PKNOX2: variants seen among roughly 807,000 people sequenced by gnomAD.
The protein encoded by PKNOX2 is PBX/knotted 1 homeobox 2.
A neutral mutation model predicts 53.1 loss-of-function variants in PKNOX2; 14 were observed. The ratio of observed to expected loss-of-function variants is 0.26; its 90% CI spans 0.17 to 0.41. PKNOX2 has a LOEUF of 0.41. PKNOX2 is among the 10% of genes least tolerant of loss of function. PKNOX2 has a pLI of 1.00. For synonymous variants in PKNOX2, 257 were observed against 242.8 expected, an observed-to-expected ratio of 1.06 and a Z score of -0.54; for missense variants, 496 against 602.8, an observed-to-expected ratio of 0.82 and a Z score of 1.85.
chr11:125,172,200 A>G (rs1338967579), intron 1 of PKNOX2, among the ~76,000 whole-genome samples: 1 of 152,188 alleles, frequency 6.6e-6, no homozygotes, highest in African/African-American at 2.4e-5. Context: ...CCAGGTGGCC[A>G]GAAGTGGGCT....
At chr11:125,342,101 T>G (rs898487039) in intron 3 of PKNOX2, among the ~76,000 whole-genome samples, 1 of 151,818 alleles carries the variant, frequency 6.6e-6, no homozygotes, top group African/African-American at 2.4e-5. Flanking sequence ...TCTCAGGAAC[T>G]AGTGGCTTTT....
At chr11:125,305,597 C>T (rs941643420) in intron 2 of PKNOX2, among the ~76,000 whole-genome samples, 4 of 152,180 alleles carry the variant, frequency 2.6e-5, no homozygotes, top group African/African-American at 9.7e-5. Context: ...GCACCCACTC[C>T]AGCTCACATT....
chr11:125,291,169 C>T (rs1033319318), intron 2 of PKNOX2, among the ~76,000 whole-genome samples: 1 of 152,168 alleles, frequency 6.6e-6, no homozygotes, highest in Non-Finnish European at 1.5e-5. Context: ...CAATTGTCAT[C>T]GCTCTCTGGG....
intron 1 of PKNOX2, among the ~76,000 whole-genome samples, chr11:125,214,526 C>T (rs1940250670): frequency 6.6e-6 from 1 of 152,014 alleles, no homozygotes; most frequent in East Asian, 1.9e-4. Context: ...AGGAAAGGCT[C>T]CTCCACCTAA....
At chr11:125,386,078 G>C (rs566906238) in intron 6 of PKNOX2, among the ~76,000 whole-genome samples, 1 of 152,312 alleles carries the variant, frequency 6.6e-6, no homozygotes, top group Admixed American at 6.5e-5. Flanking sequence ...TAGCAAATCT[G>C]TCTTGGGCTG....
chr11:125,302,801 T>C (rs1948166498), intron 2 of PKNOX2, among the ~76,000 whole-genome samples: 1 of 152,168 alleles, frequency 6.6e-6, no homozygotes, highest in Non-Finnish European at 1.5e-5. Flanking sequence ...CCATGCCCTC[T>C]CCACGTCTTT....
intron 2 of PKNOX2, among the ~76,000 whole-genome samples, chr11:125,248,835 A>T (rs923684729): frequency 4.1e-5 from 6 of 147,142 alleles, no homozygotes; most frequent in African/African-American, 1.5e-4. Flanking sequence ...CCCTCAAGTG[A>T]TCCTCCATCC....
rs3028442 is a variant in PKNOX2 at position 125,411,462 on chromosome 11, TTCTCTCTCTCTC to T, written c.817-247_817-236del. On this transcript the variant is annotated intron_variant, in intron 9 of 12. Coordinates refer to ENST00000298282, the MANE Select transcript of PKNOX2 (RefSeq NM_001382323.2). ...CTGCATGGCCCTGTTTCCTCTGTCT[TTCTCTCTCTCTC>T]TCTCTCTCTCTCTCTCTCTCTCTCT... The T allele has an allele frequency of 7.1e-3, 1,801 of 252,636 alleles. 26 individuals are homozygous for T. Among genetic ancestry groups the T allele is most frequent in the African/African-American group, 0.042 (1,131 of 27,104 alleles). 15.6% of individuals were successfully genotyped at this position (252,636 alleles called of 1,614,324 possible). A position where few individuals can be genotyped will look rare whatever the true frequency, so the allele number is the denominator to read the frequency against.
At chr11:125,241,173 C>A (rs1943115471) in intron 2 of PKNOX2, among the ~76,000 whole-genome samples, 1 of 152,228 alleles carries the variant, frequency 6.6e-6, no homozygotes. Flanking sequence ...TCTCACCCTG[C>A]AGCTGCTCCC....
At chr11:125,287,426 AC>A (rs1219144227) in intron 2 of PKNOX2, among the ~76,000 whole-genome samples, 3 of 152,224 alleles carry the variant, frequency 2.0e-5, no homozygotes, top group Admixed American at 2.0e-4. Context: ...AGTGGCTGCA[AC>A]CTGGGGAAAG....
At chr11:125,351,830 G>A (rs757932736) in intron 4 of PKNOX2, among the ~76,000 whole-genome samples, 1 of 152,022 alleles carries the variant, frequency 6.6e-6, no homozygotes, top group Non-Finnish European at 1.5e-5. Flanking sequence ...GGGTCACTTG[G>A]GCCCTTTTGT....
intron 2 of PKNOX2, among the ~76,000 whole-genome samples, chr11:125,294,421 G>C (rs1565489878): frequency 6.6e-6 from 1 of 152,186 alleles, no homozygotes; most frequent in Non-Finnish European, 1.5e-5. Context: ...GAAAAGAAAG[G>C]AGAAGTCAGT....
chr11:125,352,547 G>A lies in PKNOX2; in HGVS notation c.87+1155G>A, dbSNP rs759976547. Among the ~76,000 whole-genome samples the A allele has an allele frequency of 6.6e-6, 1 of 152,182 alleles. No individual in the cohort carries two copies. Among genetic ancestry groups the A allele is most frequent in the Non-Finnish European group, 1.5e-5 (1 of 68,042 alleles). On this transcript the variant is annotated intron_variant, in intron 4 of 12. Coordinates refer to ENST00000298282, the MANE Select transcript of PKNOX2 (RefSeq NM_001382323.2). This position sits in a 1 kb window ranked among gnomAD's most constrained non-coding sequence, Gnocchi z 4.1. The stretch of plus-strand genomic sequence containing the variant: ...CAGATGCCAGGCTTGTGCTCACTAT[G>A]GCCCTGATGCCTCCAGCCTAGTGGG...
intron 2 of PKNOX2, among the ~76,000 whole-genome samples, chr11:125,264,929 G>A (rs556682750): frequency 7.9e-5 from 12 of 152,268 alleles, no homozygotes; most frequent in South Asian, 4.1e-4. Flanking sequence ...CTCTGGGGGC[G>A]TAAAGAAAGT....
intron 4 of PKNOX2, among the ~76,000 whole-genome samples, chr11:125,358,254 A>C (rs548767971): frequency 2.6e-5 from 4 of 152,296 alleles, no homozygotes; most frequent in African/African-American, 9.6e-5. Flanking sequence ...CCCCTTACAC[A>C]CACGCACACA....
At chr11:125,341,733 C>T (rs1022801492) in intron 3 of PKNOX2, among the ~76,000 whole-genome samples, 1 of 152,268 alleles carries the variant, frequency 6.6e-6, no homozygotes, top group Non-Finnish European at 1.5e-5. Flanking sequence ...ATACAGAACA[C>T]CTTGGTAGCG....
chr11:125,184,741 C>G (rs1384539160), intron 1 of PKNOX2, among the ~76,000 whole-genome samples: 1 of 152,170 alleles, frequency 6.6e-6, no homozygotes, highest in African/African-American at 2.4e-5. Flanking sequence ...GATTGCTTTC[C>G]TGGCCTTGTG....
chr11:125,403,477 A>C (rs1171504319), intron 7 of PKNOX2, among the ~76,000 whole-genome samples: 1 of 152,178 alleles, frequency 6.6e-6, no homozygotes, highest in African/African-American at 2.4e-5. Context: ...GGTGTGTACT[A>C]GGTGCTTTCC....
intron 2 of PKNOX2, among the ~76,000 whole-genome samples, chr11:125,327,433 G>A (rs144797992): frequency 1.3e-5 from 2 of 152,192 alleles, no homozygotes; most frequent in Non-Finnish European, 2.9e-5. Flanking sequence ...GGGTCACACA[G>A]CCCCGTGTCT....
Sources: gnomAD v4.1 joint callset for allele counts (sites outside exome capture counted in the v4.1 genomes callset) on GRCh38, gnomAD v4.1.1 for gene constraint, Gnocchi (gnomAD v3.1) non-coding constraint, MANE v1.5 for transcripts, NCBI Gene and HGNC (gene_info 2026-07-23, HGNC 2026-07-21) for gene names.